Variants in ZNF362 observed in about 807,000 individuals in gnomAD.
The protein encoded by ZNF362 is rotund homolog.
Under a neutral mutation model 42.9 loss-of-function variants are expected in ZNF362, and 11 were observed. The ratio of observed to expected loss-of-function variants is 0.26; its 90% confidence interval spans 0.16 to 0.42. ZNF362 has a LOEUF of 0.42. Ranked by LOEUF, ZNF362 falls within the 20% of genes least tolerant of loss-of-function variation. The probability of loss-of-function intolerance (pLI) is 1.00; values close to 1 mark genes in which losing one functional copy is unlikely to be tolerated. For missense variants in ZNF362, 362 were observed against 576.2 expected, an observed-to-expected ratio of 0.63 and a Z score of 3.81; for synonymous variants, 255 against 257.3, an observed-to-expected ratio of 0.99 and a Z score of 0.09.
At chr1:33,176,762 C>T in the ZNF362 span, among the ~76,000 whole-genome samples, 152 of 152,338 alleles carry the variant, frequency 1.0e-3, no homozygotes, top group African/African-American at 3.6e-3. Context: ...CATTTACCAG[C>T]TGCGTGACCA....
chr1:33,147,154 G>A, the ZNF362 span: 9 of 1,607,466 alleles, frequency 5.6e-6, no homozygotes, highest in South Asian at 6.6e-5. This position sits in a 1 kb window ranked among gnomAD's most constrained non-coding sequence, Gnocchi z 8.1. Context: ...GTCCCAGGAG[G>A]TTGTGGTCTC....
chr1:33,139,233 GGCTCAGCATCATCAGGGA>G, the ZNF362 span, among the ~76,000 whole-genome samples: 3 of 152,028 alleles, frequency 2.0e-5, no homozygotes, highest in Non-Finnish European at 4.4e-5. Context: ...TCGCTCTGGG[GGCTCAGCATCATCAGGGA>G]GGGGTTATCT....
At chr1:33,255,200 T>C (rs1645778779), upstream of ZNF362, among the ~76,000 whole-genome samples, 1 of 152,254 alleles carries the variant, frequency 6.6e-6, no homozygotes, top group Admixed American at 6.5e-5. Context: ...TGGACTAGAA[T>C]CTTCGTGAGG....
At chr1:33,250,871 G>GAAGAAGAAGAAGAA in the ZNF362 span, among the ~76,000 whole-genome samples, 1 of 151,594 alleles carries the variant, frequency 6.6e-6, no homozygotes, top group South Asian at 2.1e-4. Context: ...AGAAGAAGAA[G>GAAGAAGAAGAAGAA]AAGAAGAAGA....
chr1:33,147,535 A>G, the ZNF362 span: 1 of 1,613,776 alleles, frequency 6.2e-7, no homozygotes, highest in Non-Finnish European at 8.5e-7. This position sits in a 1 kb window ranked among gnomAD's most constrained non-coding sequence, Gnocchi z 8.1. Flanking sequence ...CTTCTCCGCC[A>G]CCACCACCTC....
chr1:33,135,146 C>T, the ZNF362 span, among the ~76,000 whole-genome samples: 2 of 152,050 alleles, frequency 1.3e-5, no homozygotes, highest in Non-Finnish European at 2.9e-5. Context: ...AAAATTTAGC[C>T]GGGCATGGTG....
chr1:33,218,932 TACACACACACACACACACACACAC>T, the ZNF362 span, among the ~76,000 whole-genome samples: 3 of 121,000 alleles, frequency 2.5e-5, no homozygotes, highest in South Asian at 3.1e-4. Context: ...GAGCTGGACA[TACACACACACACACACACACACAC>T]ACACACACAC....
chr1:33,251,787 C>A (rs1320009146), upstream of ZNF362, among the ~76,000 whole-genome samples: 1 of 152,182 alleles, frequency 6.6e-6, no homozygotes. Context: ...TCTGGGAATC[C>A]CTCCCTGATC....
the ZNF362 span, chr1:33,147,553 T>C: frequency 6.2e-7 from 1 of 1,614,056 alleles, no homozygotes; most frequent in South Asian, 1.1e-5. The surrounding 1 kb of genome is among the most constrained non-coding windows in gnomAD (Gnocchi z 8.1). Flanking sequence ...CTCCCAGTAG[T>C]GGACGCCACT....
chr1:33,284,702 A>G (rs1456519523), intron 6 of ZNF362, among the ~76,000 whole-genome samples: 41 of 152,210 alleles, frequency 2.7e-4, no homozygotes, highest in Non-Finnish European at 2.9e-5. Flanking sequence ...TTTATTGAAT[A>G]CAGCCTCCTA....
chr1:33,159,750 C>CT, the ZNF362 span: 1 of 1,613,368 alleles, frequency 6.2e-7, no homozygotes, highest in Non-Finnish European at 8.5e-7. This position sits in a 1 kb window ranked among gnomAD's most constrained non-coding sequence, Gnocchi z 4.2. Context: ...CCAGCCGCTC[C>CT]TGCAGGATCT....
the ZNF362 span, among the ~76,000 whole-genome samples, chr1:33,134,526 G>T: frequency 6.6e-6 from 1 of 152,180 alleles, no homozygotes; most frequent in Non-Finnish European, 1.5e-5. Flanking sequence ...GGAAAGGAGG[G>T]GGTCAGAAGA....
the ZNF362 span, among the ~76,000 whole-genome samples, chr1:33,228,214 C>T: frequency 6.6e-6 from 1 of 152,140 alleles, no homozygotes; most frequent in African/African-American, 2.4e-5. Context: ...CACACCTGCT[C>T]CTGCTCCTGT....
chr1:33,191,717 C>A, the ZNF362 span, among the ~76,000 whole-genome samples: 3 of 152,120 alleles, frequency 2.0e-5, no homozygotes, highest in Non-Finnish European at 4.4e-5. Flanking sequence ...ATTGGCCAGG[C>A]TGGTCCTGAA....
the ZNF362 span, among the ~76,000 whole-genome samples, chr1:33,194,364 C>A: frequency 6.6e-6 from 1 of 151,732 alleles, no homozygotes; most frequent in Non-Finnish European, 1.5e-5. Context: ...GGCAAAACCC[C>A]ATCTCTACTA....
At chr1:33,177,093 GCA>G in the ZNF362 span, among the ~76,000 whole-genome samples, 122 of 149,046 alleles carry the variant, frequency 8.2e-4, no homozygotes, top group African/African-American at 1.4e-3. The surrounding 1 kb of genome is among the most constrained non-coding windows in gnomAD (Gnocchi z 4.1). Flanking sequence ...ATGCACAAAT[GCA>G]CACACATGCA....
chr1:33,212,854 A>G, the ZNF362 span, among the ~76,000 whole-genome samples: 6 of 152,200 alleles, frequency 3.9e-5, no homozygotes, highest in African/African-American at 1.4e-4. Flanking sequence ...CAGCCGAACT[A>G]TATGAGAAAT....
the ZNF362 span, among the ~76,000 whole-genome samples, chr1:33,243,534 A>C: frequency 1.3e-5 from 2 of 151,742 alleles, no homozygotes; most frequent in African/African-American, 4.8e-5. Context: ...TCAAAATCTT[A>C]GTTATTATAA....
At chr1:33,268,000 AC>A (rs1645876310) in intron 1 of ZNF362, among the ~76,000 whole-genome samples, 1 of 152,024 alleles carries the variant, frequency 6.6e-6, no homozygotes, top group South Asian at 2.1e-4. Flanking sequence ...ATTTCACCAT[AC>A]CCTCACCAGT....
Sources: gnomAD v4.1 joint callset for allele counts (sites outside exome capture counted in the v4.1 genomes callset) on GRCh38, gnomAD v4.1.1 for gene constraint, Gnocchi (gnomAD v3.1) non-coding constraint, MANE v1.5 for transcripts, NCBI Gene and HGNC (gene_info 2026-07-23, HGNC 2026-07-21) for gene names.